MOSPD1: variants seen among roughly 807,000 people sequenced by gnomAD.
The protein encoded by MOSPD1 is motile sperm domain-containing protein 1.
Under a neutral mutation model 16.7 loss-of-function variants are expected in MOSPD1, and 5 were observed. The ratio of observed to expected loss-of-function variants is 0.30; its 90% confidence interval spans 0.16 to 0.63. MOSPD1 has a LOEUF of 0.63. Among genes scored for constraint, MOSPD1 ranks in the 30% least tolerant of loss-of-function variants. The probability of loss-of-function intolerance (pLI) is 0.82; values close to 1 mark genes in which losing one functional copy is unlikely to be tolerated. For synonymous variants in MOSPD1, 67 were observed against 59.2 expected (o/e 1.13, Z -0.61); for missense variants, 104 against 153.6 (o/e 0.68, Z 1.71).
intron 1 of MOSPD1, among the ~76,000 whole-genome samples, chrX:134,909,890 A>C (rs1262870903): frequency 2.3e-4 from 21 of 90,904 alleles, no homozygotes; most frequent in Non-Finnish European, 4.6e-4. Flanking sequence ...TGAGTAGTAT[A>C]CATTTTAAGA....
intron 1 of MOSPD1, among the ~76,000 whole-genome samples, chrX:134,904,506 G>C (rs751977950): frequency 1.3e-4 from 15 of 112,079 alleles, no homozygotes; most frequent in Non-Finnish European, 2.6e-4. Flanking sequence ...TGATTTATGT[G>C]AAACAACATG....
At chrX:134,899,579 A>G in intron 1 of MOSPD1, 45 bp from the exon 2 acceptor site, 3 of 547,165 alleles carry the variant, frequency 5.5e-6, no homozygotes, top group Non-Finnish European at 8.4e-6. Context: ...AATGATCCCA[A>G]TTTTCATTAA....
chrX:134,903,163 G>A (rs5978059), intron 1 of MOSPD1, among the ~76,000 whole-genome samples: 30,735 of 109,909 alleles, frequency 0.28, 3,805 homozygotes, highest in African/African-American at 0.47. Flanking sequence ...TGGTATCTCT[G>A]ATTTGTGGAG....
chrX:134,912,644 C>CAA (rs199964723), intron 1 of MOSPD1, among the ~76,000 whole-genome samples: 22 of 101,353 alleles, frequency 2.2e-4, no homozygotes, highest in South Asian at 9.0e-4. Context: ...TTCAGCTAAT[C>CAA]AAAAAAAAAA....
intron 5 of MOSPD1, among the ~76,000 whole-genome samples, chrX:134,890,624 C>A (rs757358994): frequency 9.0e-6 from 1 of 110,539 alleles, no homozygotes; most frequent in African/African-American, 3.3e-5. Context: ...CCCTGACCAA[C>A]ATGGAGAAAC....
chrX:134,909,055 C>A (rs2148399959), intron 1 of MOSPD1, among the ~76,000 whole-genome samples: 1 of 110,422 alleles, frequency 9.1e-6, no homozygotes, highest in African/African-American at 3.3e-5. Context: ...ATCACGAGAT[C>A]AGGAGATCGA....
chrX:134,901,343 T>C (rs767462559), intron 1 of MOSPD1, among the ~76,000 whole-genome samples: 1 of 111,858 alleles, frequency 8.9e-6, no homozygotes, highest in South Asian at 3.7e-4. Flanking sequence ...TGAATAATTC[T>C]ACCTGTAAGA....
intron 1 of MOSPD1, among the ~76,000 whole-genome samples, chrX:134,912,753 C>G (rs2082979077): frequency 1.9e-5 from 2 of 106,840 alleles, no homozygotes; most frequent in Non-Finnish European, 3.9e-5. Context: ...TCCTGGCTAA[C>G]ACGGTGAAAC....
At position 134,888,189 on chromosome X, in the gene MOSPD1, A is replaced by T. The variant is rs1603254230; in HGVS notation, c.*972T>A. 1 of 112,040 alleles carries T rather than the reference A, an allele frequency of 8.9e-6. No individual in the cohort carries two copies. Among genetic ancestry groups the T allele is most frequent in the African/African-American group, 3.2e-5 (1 of 30,810 alleles). 9.2% of individuals were successfully genotyped at this position (112,040 alleles called of 1,213,427 possible). ...GTTGTGCTTAGGGGACTTTTTTGGC[A>T]AAGTTGTCTTAATAATAAATAAAAA... is the stretch of plus-strand genomic sequence containing the variant. On this transcript the variant is annotated 3_prime_UTR_variant, in exon 6 of 6. Transcript: ENST00000370783.
chrX:134,910,661 T>TG (rs751081059), intron 1 of MOSPD1, among the ~76,000 whole-genome samples: 17 of 112,070 alleles, frequency 1.5e-4, no homozygotes, highest in African/African-American at 5.2e-4. Flanking sequence ...GCAGTAGAAG[T>TG]GGAGGGCCGG....
chrX:134,889,232 C>A, intron 5 of MOSPD1, 40 bp from the exon 6 acceptor site: 2 of 1,055,049 alleles, frequency 1.9e-6, no homozygotes, highest in Non-Finnish European at 2.6e-6. Flanking sequence ...AGGTATGCAC[C>A]TAACAGAATC....
At chrX:134,892,839 C>T (rs186308010) in intron 4 of MOSPD1, among the ~76,000 whole-genome samples, 10 of 111,251 alleles carry the variant, frequency 9.0e-5, no homozygotes, top group Admixed American at 2.9e-4. Flanking sequence ...TTGCAGTGAG[C>T]CTAGACTGCA....
chrX:134,914,656 A>G (rs954845896), intron 1 of MOSPD1, among the ~76,000 whole-genome samples: 2 of 111,947 alleles, frequency 1.8e-5, no homozygotes, highest in African/African-American at 6.5e-5. Context: ...CCAGGCAAAG[A>G]GAGTAAAGCT....
At position 134,897,034 on chromosome X, in the gene MOSPD1, A is replaced by C; in HGVS notation, c.231T>G (p.Ile77Met). 8.5e-7 allele frequency: 1 copy of C among 1,179,821 alleles called. No homozygotes were observed. The change falls in exon 4 of 6, where the codon ATT becomes ATG. Residue 77 changes from isoleucine to methionine, a missense_variant and splice_region_variant. By Grantham distance (10) the Ile-to-Met change is conservative (BLOSUM62 1). This residue lies in a region of MOSPD1 where 68 missense variants were observed against 73.1 expected (regional missense o/e 0.93). Transcript: ENST00000370783. Reference protein sequence around the residue: ...GAVKPQCCVDIVIRHRDVRSC... With the variant: ...GAVKPQCCVDMVIRHRDVRSC... ...ATCGAACATCTCGATGACGAATCAC[A>C]CTGAAAACAGCAAAAATAACAAATG...
chrX:134,902,520 C>T (rs776747667), intron 1 of MOSPD1, among the ~76,000 whole-genome samples: 5 of 110,665 alleles, frequency 4.5e-5, no homozygotes, highest in Non-Finnish European at 9.5e-5. Flanking sequence ...AGGCTAGATG[C>T]GGTGGCTCAT....
intron 1 of MOSPD1, among the ~76,000 whole-genome samples, chrX:134,908,851 G>C (rs1433328285): frequency 8.9e-6 from 1 of 112,042 alleles, no homozygotes; most frequent in Non-Finnish European, 1.9e-5. Context: ...GAAAAGATAA[G>C]ACTTTGAGAT....
chrX:134,902,820 A>G (rs2082918818), intron 1 of MOSPD1, among the ~76,000 whole-genome samples: 2 of 104,227 alleles, frequency 1.9e-5, no homozygotes, highest in African/African-American at 7.1e-5. Context: ...ATAAAACAGA[A>G]CTAAGATTAC....
At chrX:134,896,599 C>T (rs1034918411) in intron 4 of MOSPD1, among the ~76,000 whole-genome samples, 4 of 111,844 alleles carry the variant, frequency 3.6e-5, no homozygotes, top group African/African-American at 6.5e-5. Context: ...CCGCTCCTTA[C>T]AGCCTGGTCC....
rs1487118870 is a variant in MOSPD1 at position 134,887,952 on chromosome X, A to T, written c.*1209T>A. The T allele has an allele frequency of 8.9e-6, 1 of 112,887 alleles. No individual in the cohort carries two copies. The allele number at this position is 112,887 out of a possible 1,213,427, so 9.3% of individuals were successfully genotyped here. On this transcript the variant is annotated 3_prime_UTR_variant, in exon 6 of 6. Coordinates refer to ENST00000370783, the MANE Select transcript of MOSPD1 (RefSeq NM_019556.3). ...TTTTCTGCAAAAACCAACCTCAGGC[A>T]TACATTTGTGTTTACATATATTCCT...
Sources: gnomAD v4.1 joint callset for allele counts (sites outside exome capture counted in the v4.1 genomes callset) on GRCh38, gnomAD v4.1.1 for gene constraint, gnomAD v4.1.1 regional missense constraint, MANE v1.5 for transcripts, NCBI Gene and HGNC (gene_info 2026-07-23, HGNC 2026-07-21) for gene names.